MAP2K6: variants seen among roughly 807,000 people sequenced by gnomAD.
MAP2K6 encodes mitogen-activated protein kinase kinase 6, also known as dual specificity mitogen-activated protein kinase kinase 6.
A neutral mutation model predicts 53.7 loss-of-function variants in MAP2K6; 16 were observed. That is an observed-to-expected ratio of 0.30 (90% CI 0.20 to 0.45). The LOEUF is 0.45. MAP2K6 is among the 20% of genes least tolerant of loss of function. The pLI, the probability that MAP2K6 is intolerant of heterozygous loss-of-function variation, is 1.00. For missense variants in MAP2K6, 204 were observed against 411.9 expected (o/e 0.50, Z 4.37); for synonymous variants, 132 against 143.1 (o/e 0.92, Z 0.55).
At chr17:69,435,042 T>C (rs894731838) in intron 1 of MAP2K6, 1 of 152,224 alleles carries the variant, frequency 6.6e-6, no homozygotes, top group Admixed American at 6.5e-5. Context: ...TGCACTCCAG[T>C]TGGGCTCAAG....
At chr17:69,468,726 G>A (rs940060344) in intron 1 of MAP2K6, among the ~76,000 whole-genome samples, 1 of 152,174 alleles carries the variant, frequency 6.6e-6, no homozygotes, top group African/African-American at 2.4e-5. Flanking sequence ...GTTTCTGGTT[G>A]GGCCAGTAAA....
chr17:69,501,326 T>C (rs970790691), intron 1 of MAP2K6, among the ~76,000 whole-genome samples: 3 of 152,124 alleles, frequency 2.0e-5, no homozygotes, highest in Non-Finnish European at 4.4e-5. Context: ...GCTGTTTGGG[T>C]TGGCAGTGGA....
intron 1 of MAP2K6, chr17:69,502,131 A>G: frequency 1.0e-6 from 1 of 982,590 alleles, no homozygotes; most frequent in Non-Finnish European, 1.2e-6. Flanking sequence ...CTGGTTAATG[A>G]TTAATGTCAC....
At position 69,505,847 on chromosome 17, in the gene MAP2K6, G is replaced by A; in HGVS notation, c.83+1G>A. On this transcript the variant is annotated splice_donor_variant, in intron 2 of 11. Transcript: ENST00000590474. LOFTEE classifies it high-confidence loss of function. ...TTGAACAACCTCAGACCAGTTCCAC[G>A]TAAGTTGACAAGACCATCATCTGAA... The A allele has an allele frequency of 1.2e-6, 2 of 1,612,930 alleles. No individual in the cohort carries two copies. The highest frequency in any genetic ancestry group is 1.7e-6 in the Non-Finnish European group (2 of 1,179,226).
At position 69,544,425 on chromosome 17, in the gene MAP2K6, A is replaced by T. The variant is rs1456654878; in HGVS notation, c.*2672A>T. 2.6e-5 allele frequency: 4 copies of T among 152,230 alleles called. No homozygotes were observed. The highest frequency in any genetic ancestry group is 9.6e-5 in the African/African-American group (4 of 41,452). The allele number at this position is 152,230 out of a possible 1,614,324, so 9.4% of individuals were successfully genotyped here. A position where few individuals can be genotyped will look rare whatever the true frequency, so the allele number is the denominator to read the frequency against. Reference sequence around the variant, plus strand: ...AATCAACCAACTTTTGAAAAAATCAAGATACCTAAACTATATATAAATGGG... The same window carrying T: ...AATCAACCAACTTTTGAAAAAATCATGATACCTAAACTATATATAAATGGG... On this transcript the variant is annotated 3_prime_UTR_variant, in exon 12 of 12. Coordinates refer to ENST00000590474, the MANE Select transcript of MAP2K6 (RefSeq NM_002758.4).
intron 1 of MAP2K6, chr17:69,435,349 A>T (rs1167967728): frequency 6.6e-6 from 1 of 152,098 alleles, no homozygotes; most frequent in African/African-American, 2.4e-5. Context: ...AACCTGGCCA[A>T]TATGGTGAAA....
chr17:69,445,552 A>G (rs571693192), intron 1 of MAP2K6, among the ~76,000 whole-genome samples: 7 of 152,350 alleles, frequency 4.6e-5, no homozygotes, highest in African/African-American at 1.7e-4. Flanking sequence ...TGTTTTGTAG[A>G]TGGGAAAACT....
chr17:69,455,896 C>T (rs6501327), intron 1 of MAP2K6, among the ~76,000 whole-genome samples: 58,095 of 135,524 alleles, frequency 0.43, 12,442 homozygotes, highest in Middle Eastern at 0.51. Flanking sequence ...GTTTTGCTCT[C>T]GTTGCCCAGG....
intron 1 of MAP2K6, among the ~76,000 whole-genome samples, chr17:69,504,183 A>T (rs1567843456): frequency 6.6e-6 from 1 of 152,100 alleles, no homozygotes; most frequent in East Asian, 1.9e-4. Context: ...TTGCAGCTTC[A>T]GGATCTATCC....
At chr17:69,528,361 C>T (rs886293376) in intron 10 of MAP2K6, among the ~76,000 whole-genome samples, 9 of 152,084 alleles carry the variant, frequency 5.9e-5, no homozygotes, top group African/African-American at 2.2e-4. Context: ...TTGTTGGATG[C>T]CTCTTAAAAG....
In MAP2K6 at chr17:69,454,788, G is replaced by A. The variant is rs185486825; in HGVS notation, c.16+39788G>A. ...GGACAATTCAAAAGGTAAATTCAAGGACTATTTGATAAAAATATGTGGAAA... is the reference window on the plus strand; with the variant it reads ...GGACAATTCAAAAGGTAAATTCAAGAACTATTTGATAAAAATATGTGGAAA... On this transcript the variant is annotated intron_variant, in intron 1 of 11. Coordinates refer to ENST00000590474, the MANE Select transcript of MAP2K6 (RefSeq NM_002758.4). Among the ~76,000 whole-genome samples the A allele has an allele frequency of 2.6e-5, 4 of 152,246 alleles. No homozygotes were observed. In the East Asian group the frequency reaches 7.7e-4, roughly 29 times the overall value.
intron 1 of MAP2K6, among the ~76,000 whole-genome samples, chr17:69,493,870 CA>C (rs1429163391): frequency 3.9e-5 from 6 of 152,108 alleles, no homozygotes; most frequent in Non-Finnish European, 8.8e-5. Flanking sequence ...ATCAAATTGA[CA>C]GAGATGAAAA....
intron 1 of MAP2K6, among the ~76,000 whole-genome samples, chr17:69,491,938 G>A (rs1908770468): frequency 6.6e-6 from 1 of 151,816 alleles, no homozygotes; most frequent in African/African-American, 2.4e-5. Context: ...ATGCTTGTTA[G>A]CCACATGTAT....
Position 69,515,123 on chromosome 17 carries a change from T to C in MAP2K6, c.84-1732T>C, listed in dbSNP as rs374635177. Among the ~76,000 whole-genome samples, 8 of 152,164 alleles carry C rather than the reference T, an allele frequency of 5.3e-5. No individual in the cohort carries two copies. In the East Asian group the frequency reaches 1.5e-3, roughly 29 times the overall value. ...GTCTTTAGCCTCTAGTTGTTCTTTTTGTTTGATCACATTAACAATTTGTTT... is the reference window on the plus strand; with the variant it reads ...GTCTTTAGCCTCTAGTTGTTCTTTTCGTTTGATCACATTAACAATTTGTTT... On this transcript the variant is annotated intron_variant, in intron 2 of 11. Transcript: ENST00000590474.
At chr17:69,519,618 A>C in intron 5 of MAP2K6, 186 bp downstream of exon 5, 1 of 620,418 alleles carries the variant, frequency 1.6e-6, no homozygotes. Context: ...TGGTATTTTC[A>C]AATGTGGTTA....
At chr17:69,436,479 G>A (rs1378366560) in intron 1 of MAP2K6, among the ~76,000 whole-genome samples, 1 of 152,196 alleles carries the variant, frequency 6.6e-6, no homozygotes, top group Non-Finnish European at 1.5e-5. Flanking sequence ...TGTTTACAAT[G>A]TTTTATCCTC....
At chr17:69,503,676 T>C (rs1157565815) in intron 1 of MAP2K6, among the ~76,000 whole-genome samples, 1 of 152,218 alleles carries the variant, frequency 6.6e-6, no homozygotes, top group African/African-American at 2.4e-5. Context: ...TAGTGGGCTA[T>C]AATGATGTGG....
At chr17:69,423,600 G>C (rs1906166929) in intron 1 of MAP2K6, among the ~76,000 whole-genome samples, 1 of 152,186 alleles carries the variant, frequency 6.6e-6, no homozygotes, top group South Asian at 2.1e-4. Flanking sequence ...CTGCTGCTCA[G>C]CCAGAGACCT....
At chr17:69,479,764 C>G (rs1908283527) in intron 1 of MAP2K6, among the ~76,000 whole-genome samples, 1 of 148,998 alleles carries the variant, frequency 6.7e-6, no homozygotes, top group Non-Finnish European at 1.5e-5. Flanking sequence ...GTTGCTCAGG[C>G]TGGAGTGCAA....
Sources: allele counts gnomAD v4.1 joint callset (sites outside exome capture counted in the v4.1 genomes callset), GRCh38; gene constraint gnomAD v4.1.1; transcripts MANE v1.5; gene names NCBI Gene and HGNC (gene_info 2026-07-23, HGNC 2026-07-21).